The following METTL15 variants were observed in gnomAD, a reference collection of about 807,000 sequenced individuals.
The protein encoded by METTL15 is 12S rRNA N(4)-cytidine methyltransferase METTL15.
In METTL15, 34 loss-of-function variants were observed where a neutral mutation model predicts 38.3. That is an observed-to-expected ratio of 0.89 (90% CI 0.68 to 1.18). The LOEUF is 1.18. METTL15 is among the 50% of genes most tolerant of loss of function. METTL15 has a pLI of 0.00. For synonymous variants in METTL15, 162 were observed against 170.9 expected, an observed-to-expected ratio of 0.95 and a Z score of 0.41; for missense variants, 438 against 498.4, an observed-to-expected ratio of 0.88 and a Z score of 1.15.
At chr11:28,376,172 G>A (rs531190416) in intron 5 of METTL15, among the ~76,000 whole-genome samples, 2 of 151,898 alleles carry the variant, frequency 1.3e-5, no homozygotes, top group Non-Finnish European at 2.9e-5. Flanking sequence ...TTCTGTAGAT[G>A]TCTATTAGGT....
chr11:28,418,956 G>T (rs1257430181), intron 5 of METTL15, among the ~76,000 whole-genome samples: 1 of 152,136 alleles, frequency 6.6e-6, no homozygotes, highest in Non-Finnish European at 1.5e-5. Context: ...AAAGTGTTCT[G>T]GGGGGTTCTA....
chr11:28,174,438 A>G (rs1461672813), intron 3 of METTL15, among the ~76,000 whole-genome samples: 1 of 152,168 alleles, frequency 6.6e-6, no homozygotes, highest in Non-Finnish European at 1.5e-5. Context: ...TTACTGTAAT[A>G]TGCAGCATTA....
At chr11:28,384,302 T>TTTTC (rs577543452) in intron 5 of METTL15, among the ~76,000 whole-genome samples, 1 of 151,238 alleles carries the variant, frequency 6.6e-6, no homozygotes, top group African/African-American at 2.4e-5. Flanking sequence ...ATGTCTTTGT[T>TTTTC]TTTCTTTCTT....
At chr11:28,215,058 T>C (rs1480235768) in intron 4 of METTL15, among the ~76,000 whole-genome samples, 2 of 152,220 alleles carry the variant, frequency 1.3e-5, no homozygotes, top group Non-Finnish European at 2.9e-5. Flanking sequence ...ATCCATTTTT[T>C]ATGCTTAAAT....
intron 3 of METTL15, among the ~76,000 whole-genome samples, chr11:28,208,925 A>G (rs962351578): frequency 2.0e-5 from 3 of 151,990 alleles, no homozygotes; most frequent in African/African-American, 4.8e-5. Context: ...GATGGCTCCA[A>G]TCACGTATTA....
chr11:28,473,276 G>A (rs113606538), intron 6 of METTL15, among the ~76,000 whole-genome samples: 1,904 of 152,260 alleles, frequency 0.013, 19 homozygotes, highest in Middle Eastern at 0.041. Flanking sequence ...AGGAGTGCCT[G>A]GAAAATGGTG....
intron 4 of METTL15, among the ~76,000 whole-genome samples, chr11:28,283,141 T>C (rs945762006): frequency 1.3e-4 from 20 of 152,192 alleles, no homozygotes; most frequent in African/African-American, 4.8e-4. Context: ...CCTAGGAGGA[T>C]AAACGAATAG....
At chr11:28,529,451 C>T (rs1181703101), downstream of METTL15, among the ~76,000 whole-genome samples, 3 of 152,002 alleles carry the variant, frequency 2.0e-5, no homozygotes, top group Non-Finnish European at 2.9e-5. Flanking sequence ...ACTCTCCATA[C>T]ACCCACTTTT....
chr11:28,382,706 A>T (rs769183344), intron 5 of METTL15, among the ~76,000 whole-genome samples: 9 of 151,986 alleles, frequency 5.9e-5, no homozygotes, highest in African/African-American at 9.7e-5. Flanking sequence ...ATGGAGGTGC[A>T]TGCCTGTAAT....
intron 4 of METTL15, among the ~76,000 whole-genome samples, chr11:28,220,832 G>T (rs561926317): frequency 1.6e-4 from 24 of 152,194 alleles, no homozygotes; most frequent in African/African-American, 4.6e-4. Context: ...GCTTAGTTTG[G>T]CTGGATATGA....
chr11:28,261,680 A>G (rs1293437492), intron 4 of METTL15, among the ~76,000 whole-genome samples: 1 of 152,202 alleles, frequency 6.6e-6, no homozygotes, highest in Non-Finnish European at 1.5e-5. Context: ...AAAGGAGCAC[A>G]TCGACTACAG....
intron 6 of METTL15, among the ~76,000 whole-genome samples, chr11:28,311,968 G>A (rs1402692210): frequency 1.3e-5 from 2 of 152,180 alleles, no homozygotes; most frequent in Non-Finnish European, 2.9e-5. Context: ...CAAGGGACTG[G>A]GAACCTAAAG....
chr11:28,217,780 T>A (rs1038817357), intron 4 of METTL15, among the ~76,000 whole-genome samples: 1 of 152,222 alleles, frequency 6.6e-6, no homozygotes, highest in Non-Finnish European at 1.5e-5. Flanking sequence ...TACATATGGC[T>A]AGCCAGTTTT....
intron 6 of METTL15, chr11:28,328,265 G>T: frequency 8.6e-7 from 1 of 1,158,532 alleles, no homozygotes; most frequent in African/African-American, 1.6e-5. Context: ...ACATTCTCCA[G>T]ACTTTTGGCA....
intron 5 of METTL15, among the ~76,000 whole-genome samples, chr11:28,373,858 G>A (rs1195642559): frequency 1.3e-5 from 2 of 152,108 alleles, no homozygotes; most frequent in African/African-American, 4.8e-5. Context: ...TGTAAGGAAG[G>A]GATCCAGTTT....
intron 3 of METTL15, among the ~76,000 whole-genome samples, chr11:28,350,283 G>A (rs1564903331): frequency 1.3e-5 from 2 of 152,244 alleles, no homozygotes; most frequent in South Asian, 4.1e-4. Flanking sequence ...CAAATCCATT[G>A]ATTTGCAAGA....
At chr11:28,192,414 TA>T (rs1851731294) in intron 3 of METTL15, among the ~76,000 whole-genome samples, 1 of 151,702 alleles carries the variant, frequency 6.6e-6, no homozygotes, top group African/African-American at 2.4e-5. Flanking sequence ...TTTTATATAT[TA>T]ATGCATTTGA....
At chr11:28,361,615 A>G (rs1184502507) in intron 4 of METTL15, among the ~76,000 whole-genome samples, 1 of 152,164 alleles carries the variant, frequency 6.6e-6, no homozygotes, top group Non-Finnish European at 1.5e-5. Flanking sequence ...TAATAAATAT[A>G]CTACCTGAAA....
chr11:28,134,790 C>G (rs1331408076), intron 3 of METTL15: 8 of 389,322 alleles, frequency 2.1e-5, no homozygotes, highest in African/African-American at 1.0e-4. Context: ...GGGTTAAGGA[C>G]TGCTCAAAAA....
Sources: gnomAD v4.1 joint callset for allele counts (sites outside exome capture counted in the v4.1 genomes callset) on GRCh38, gnomAD v4.1.1 for gene constraint, MANE v1.5 for transcripts, NCBI Gene and HGNC (gene_info 2026-07-23, HGNC 2026-07-21) for gene names.